Variants in PARD3B observed in about 807,000 individuals in gnomAD.
The protein encoded by PARD3B is par-3 family cell polarity regulator beta.
A neutral mutation model predicts 130.2 loss-of-function variants in PARD3B; 103 were observed. The ratio of observed to expected loss-of-function variants is 0.79; its 90% CI spans 0.67 to 0.93. The LOEUF is 0.93. Among genes scored for constraint, PARD3B ranks in the 40% least tolerant of loss-of-function variants. The pLI, the probability that PARD3B is intolerant of heterozygous loss-of-function variation, is 0.00. For synonymous variants in PARD3B, 583 were observed against 553.2 expected (o/e 1.05, Z -0.76); for missense variants, 1,609 against 1,499.2 (o/e 1.07, Z -1.21).
intron 4 of PARD3B, among the ~76,000 whole-genome samples, chr2:205,062,704 CA>C (rs1475373475): frequency 6.6e-6 from 1 of 151,878 alleles, no homozygotes; most frequent in African/African-American, 2.4e-5. Flanking sequence ...AATAAATTAG[CA>C]GAGAGAAATT....
intron 18 of PARD3B, among the ~76,000 whole-genome samples, chr2:205,320,954 A>G (rs749550753): frequency 6.6e-6 from 1 of 152,178 alleles, no homozygotes; most frequent in South Asian, 2.1e-4. Flanking sequence ...TCTTAAATAC[A>G]TACACTCAGG....
intron 18 of PARD3B, among the ~76,000 whole-genome samples, chr2:205,326,841 A>G (rs2042954939): frequency 6.6e-6 from 1 of 152,184 alleles, no homozygotes; most frequent in Non-Finnish European, 1.5e-5. Context: ...CTTGTACAGT[A>G]GTAAATACTT....
chr2:204,878,359 A>T (rs1414050729), intron 2 of PARD3B, among the ~76,000 whole-genome samples: 1 of 152,208 alleles, frequency 6.6e-6, no homozygotes, highest in Non-Finnish European at 1.5e-5. Context: ...TAGCTAATTG[A>T]CATGTTACTG....
intron 15 of PARD3B, among the ~76,000 whole-genome samples, chr2:205,226,600 G>A (rs138404663): frequency 2.2e-3 from 341 of 152,166 alleles, no homozygotes; most frequent in Admixed American, 4.4e-3. Flanking sequence ...TCCCAGTACC[G>A]TTTATTGAAG....
chr2:205,490,383 A>C (rs1365537190), intron 20 of PARD3B, among the ~76,000 whole-genome samples: 1 of 151,776 alleles, frequency 6.6e-6, no homozygotes. Context: ...CTGTCCTGGC[A>C]ATAGTTTGCT....
At position 205,094,342 on chromosome 2, in the gene PARD3B, C is replaced by T. The variant is rs571539508; in HGVS notation, c.505-10084C>T. Among the ~76,000 whole-genome samples the T allele has an allele frequency of 7.1e-4, 108 of 152,156 alleles. 1 individual carries two copies. The highest frequency in any genetic ancestry group is 1.5e-3 in the Non-Finnish European group (101 of 68,006). ...ATGGCAAAGTCAGGAAGGTTTGAGTCTGGGTGAGAAGAGGGTGAAATGCTT... is the reference window on the plus strand; with the variant it reads ...ATGGCAAAGTCAGGAAGGTTTGAGTTTGGGTGAGAAGAGGGTGAAATGCTT... On this transcript the variant is annotated intron_variant, in intron 4 of 22. Coordinates refer to ENST00000406610, the MANE Select transcript of PARD3B (RefSeq NM_001302769.2).
intron 21 of PARD3B, among the ~76,000 whole-genome samples, chr2:205,504,879 C>G (rs991536220): frequency 2.0e-5 from 3 of 152,162 alleles, no homozygotes; most frequent in African/African-American, 7.2e-5. Context: ...ACCCAGCCAT[C>G]CCATTACTGG....
intron 2 of PARD3B, among the ~76,000 whole-genome samples, chr2:204,952,076 G>A (rs963964579): frequency 3.9e-5 from 6 of 152,122 alleles, no homozygotes; most frequent in Admixed American, 2.6e-4. Context: ...ACTAATGGAA[G>A]CTTAGAGTCT....
At chr2:205,375,218 T>C (rs1473991257) in intron 18 of PARD3B, among the ~76,000 whole-genome samples, 1 of 152,228 alleles carries the variant, frequency 6.6e-6, no homozygotes, top group Admixed American at 6.5e-5. Context: ...TTTGTATTTA[T>C]GGATAAAAAT....
intron 18 of PARD3B, among the ~76,000 whole-genome samples, chr2:205,356,563 T>G (rs1386789155): frequency 1.3e-5 from 2 of 152,028 alleles, no homozygotes. Context: ...ATAGTATCCT[T>G]CATTGAGAAG....
chr2:205,114,126 C>T (rs539023576), intron 6 of PARD3B, among the ~76,000 whole-genome samples: 1 of 152,110 alleles, frequency 6.6e-6, no homozygotes, highest in Non-Finnish European at 1.5e-5. Flanking sequence ...TAATTTACCA[C>T]ATCCTTTTGG....
At chr2:204,925,426 G>T (rs977304421) in intron 2 of PARD3B, among the ~76,000 whole-genome samples, 1 of 151,978 alleles carries the variant, frequency 6.6e-6, no homozygotes, top group Non-Finnish European at 1.5e-5. Flanking sequence ...GTAGTAGTCA[G>T]GTTTTGACCT....
intron 3 of PARD3B, among the ~76,000 whole-genome samples, chr2:204,973,733 T>G (rs1209142781): frequency 6.6e-6 from 1 of 152,216 alleles, no homozygotes; most frequent in African/African-American, 2.4e-5. Flanking sequence ...TATACACATT[T>G]GGTTATTTAC....
intron 1 of PARD3B, among the ~76,000 whole-genome samples, chr2:204,593,619 C>G (rs984654130): frequency 1.3e-5 from 2 of 152,096 alleles, no homozygotes; most frequent in South Asian, 2.1e-4. Context: ...TTTATGAATA[C>G]TTTTATTTGG....
In PARD3B at chr2:204,669,953, G is replaced by A. The variant is rs956610663; in HGVS notation, c.121-16228G>A. Among the ~76,000 whole-genome samples, 1 of 152,104 alleles carries A rather than the reference G, an allele frequency of 6.6e-6. No individual in the cohort carries two copies. Among genetic ancestry groups the A allele is most frequent in the Non-Finnish European group, 1.5e-5 (1 of 68,024 alleles). The stretch of plus-strand genomic sequence containing the variant: ...TTAATGGAAAGGATGGAAAAGTTGG[G>A]GGACTCTAAATTCACTAAGTTCCCA... On this transcript the variant is annotated intron_variant, in intron 1 of 22. Transcript: ENST00000406610. The surrounding 1 kb of genome is among the most constrained non-coding windows in gnomAD (Gnocchi z 4.3).
chr2:205,024,863 C>G (rs1425550673), intron 3 of PARD3B, among the ~76,000 whole-genome samples: 2 of 152,174 alleles, frequency 1.3e-5, no homozygotes, highest in African/African-American at 4.8e-5. Flanking sequence ...TGCCCTCTGG[C>G]ACTGTAATGA....
At chr2:205,234,876 G>A (rs1389056693) in intron 15 of PARD3B, among the ~76,000 whole-genome samples, 1 of 152,112 alleles carries the variant, frequency 6.6e-6, no homozygotes, top group South Asian at 2.1e-4. Flanking sequence ...GAATTCAATA[G>A]CAGAAAGAAA....
intron 4 of PARD3B, among the ~76,000 whole-genome samples, chr2:205,054,910 C>A (rs573867556): frequency 6.6e-6 from 1 of 152,180 alleles, no homozygotes; most frequent in South Asian, 2.1e-4. Context: ...TTCCCTTTAG[C>A]CTGCACTTTG....
intron 2 of PARD3B, among the ~76,000 whole-genome samples, chr2:204,948,379 G>T (rs1248797805): frequency 6.6e-6 from 1 of 152,190 alleles, no homozygotes; most frequent in Non-Finnish European, 1.5e-5. Flanking sequence ...CCATAAGCTA[G>T]AAGCAAGACA....
Sources: gnomAD v4.1 joint callset for allele counts (sites outside exome capture counted in the v4.1 genomes callset) on GRCh38, gnomAD v4.1.1 for gene constraint, Gnocchi (gnomAD v3.1) non-coding constraint, MANE v1.5 for transcripts, NCBI Gene and HGNC (gene_info 2026-07-23, HGNC 2026-07-21) for gene names.